DSCAM: variants seen among roughly 807,000 people sequenced by gnomAD.
The protein encoded by DSCAM is cell adhesion molecule DSCAM.
In DSCAM, 47 loss-of-function variants were observed where a neutral mutation model predicts 217.7. The ratio of observed to expected loss-of-function variants is 0.22; its 90% CI spans 0.17 to 0.28. DSCAM has a LOEUF of 0.28. Ranked by LOEUF, DSCAM falls within the 10% of genes least tolerant of loss-of-function variation. DSCAM has a pLI of 1.00. For synonymous variants in DSCAM, 1,056 were observed against 1,015.3 expected (o/e 1.04, Z -0.76); for missense variants, 2,080 against 2,618.3 (o/e 0.79, Z 4.49).
At chr21:40,133,816 C>T in intron 19 of DSCAM, 38 bp downstream of exon 19, 4 of 1,559,850 alleles carry the variant, frequency 2.6e-6, no homozygotes, top group Non-Finnish European at 3.5e-6. Context: ...CCAGCCCTTC[C>T]AGCAACTGCT....
chr21:40,293,538 TTAAC>T (rs1197274267), intron 10 of DSCAM, among the ~76,000 whole-genome samples: 1 of 152,208 alleles, frequency 6.6e-6, no homozygotes, highest in East Asian at 1.9e-4. Flanking sequence ...GAACTCAATC[TTAAC>T]TAAAGTAATT....
chr21:40,568,455 T>C (rs575683261), intron 3 of DSCAM, among the ~76,000 whole-genome samples: 1 of 152,132 alleles, frequency 6.6e-6, no homozygotes, highest in Admixed American at 6.6e-5. Context: ...TTTTTGTCCT[T>C]CCCACAGACC....
chr21:40,523,715 T>C (rs7275798), intron 3 of DSCAM, among the ~76,000 whole-genome samples: 41,703 of 152,102 alleles, frequency 0.27, 7,125 homozygotes, highest in African/African-American at 0.46. Context: ...GCCCTCTGTC[T>C]TTGTGATAAG....
chr21:40,538,315 G>A (rs146643009), intron 3 of DSCAM, among the ~76,000 whole-genome samples: 35 of 152,158 alleles, frequency 2.3e-4, no homozygotes, highest in Middle Eastern at 3.4e-3. Context: ...ACAGCAGCAC[G>A]CCAAGCACAG....
At chr21:40,525,323 G>A (rs1288716700) in intron 3 of DSCAM, among the ~76,000 whole-genome samples, 1 of 152,120 alleles carries the variant, frequency 6.6e-6, no homozygotes, top group Non-Finnish European at 1.5e-5. Flanking sequence ...GGAGAATGAG[G>A]CATGTCTTCC....
At chr21:40,757,465 CCT>C (rs2091287796) in intron 1 of DSCAM, among the ~76,000 whole-genome samples, 1 of 152,206 alleles carries the variant, frequency 6.6e-6, no homozygotes, top group African/African-American at 2.4e-5. Context: ...TGGCTGCTCC[CCT>C]GACTTCTCTA....
intron 3 of DSCAM, among the ~76,000 whole-genome samples, chr21:40,589,088 A>G (rs984348624): frequency 5.3e-5 from 8 of 152,206 alleles, no homozygotes; most frequent in South Asian, 4.1e-4. Flanking sequence ...TCCAAAGACC[A>G]TGAAAATAAC....
intron 1 of DSCAM, among the ~76,000 whole-genome samples, chr21:40,741,993 G>A (rs1218276205): frequency 1.3e-5 from 2 of 152,120 alleles, no homozygotes; most frequent in Non-Finnish European, 2.9e-5. Flanking sequence ...TTAGTCTGGT[G>A]GGCATCAGAA....
At chr21:40,470,298 G>GA (rs1316472655) in intron 3 of DSCAM, among the ~76,000 whole-genome samples, 9 of 152,196 alleles carry the variant, frequency 5.9e-5, no homozygotes, top group African/African-American at 1.9e-4. Flanking sequence ...TGCCTTGCAG[G>GA]AAAAAGCTAT....
chr21:40,422,755 A>G (rs960293076), intron 3 of DSCAM, among the ~76,000 whole-genome samples: 1 of 152,228 alleles, frequency 6.6e-6, no homozygotes, highest in Non-Finnish European at 1.5e-5. Flanking sequence ...AACTTCCTCC[A>G]TATGAGGCAG....
intron 9 of DSCAM, among the ~76,000 whole-genome samples, chr21:40,304,326 G>T (rs780681740): frequency 2.0e-5 from 3 of 152,220 alleles, no homozygotes; most frequent in Non-Finnish European, 2.9e-5. Flanking sequence ...AGCCTTCATA[G>T]AAGAGAGTTA....
At chr21:40,123,293 G>A (rs145392722) in intron 20 of DSCAM, among the ~76,000 whole-genome samples, 1 of 152,270 alleles carries the variant, frequency 6.6e-6, no homozygotes, top group East Asian at 1.9e-4. Context: ...TAAGTTTTAC[G>A]TTATGTGTAT....
At position 40,464,741 on chromosome 21, in the gene DSCAM, A is replaced by ATCTTT. The variant is rs1210890999; in HGVS notation, c.509-95501_509-95497dup. The stretch of plus-strand genomic sequence containing the variant: ...TCACTAATTCATTCTCCCCAGAACC[A>ATCTTT]TCTTTTTTTTTTTTTTTTGAAGCAG... On this transcript the variant is annotated intron_variant, in intron 3 of 32. Transcript: ENST00000400454. 1.2e-3 allele frequency among the ~76,000 whole-genome samples: 179 copies of ATCTTT among 144,332 alleles called. 1 individual carries two copies. Among genetic ancestry groups the ATCTTT allele is most frequent in the African/African-American group, 4.3e-3 (164 of 38,374 alleles). The allele number at this position is 144,332 out of a possible 152,430, so 94.7% of individuals were successfully genotyped here.
intron 3 of DSCAM, among the ~76,000 whole-genome samples, chr21:40,585,713 T>A: frequency 6.6e-6 from 1 of 152,062 alleles, no homozygotes; most frequent in Non-Finnish European, 1.5e-5. Context: ...GTGAGAGGTG[T>A]TTTGGTCATG....
At position 40,420,399 on chromosome 21, in the gene DSCAM, A is replaced by G. The variant is rs116938885; in HGVS notation, c.509-51154T>C. ...ATTTGCTAAAATCAGAATGCCTGGTATTTATAATTCAGAAAATCAGCTTTT... is the reference window on the plus strand; with the variant it reads ...ATTTGCTAAAATCAGAATGCCTGGTGTTTATAATTCAGAAAATCAGCTTTT... On this transcript the variant is annotated intron_variant, in intron 3 of 32. Transcript: ENST00000400454. 2.4e-3 allele frequency among the ~76,000 whole-genome samples: 372 copies of G among 152,254 alleles called. 2 individuals carry two copies. Among genetic ancestry groups the G allele is most frequent in the Non-Finnish European group, 4.6e-3 (313 of 68,016 alleles).
rs182509776 is a variant in DSCAM at position 40,712,566 on chromosome 21, T to A, written c.44-3795A>T. ...AAACTTCACATATTCAATGGGCTCA[T>A]AGCCCTAAGCCTAATGCCTAGCAAG... On this transcript the variant is annotated intron_variant, in intron 1 of 32. Coordinates refer to ENST00000400454, the MANE Select transcript of DSCAM (RefSeq NM_001389.5). 4.6e-5 allele frequency among the ~76,000 whole-genome samples: 7 copies of A among 151,418 alleles called. No individual in the cohort carries two copies. In the East Asian group the frequency reaches 1.4e-3, roughly 30 times the overall value.
chr21:40,731,836 C>A (rs745412681), intron 1 of DSCAM, among the ~76,000 whole-genome samples: 2 of 147,086 alleles, frequency 1.4e-5, no homozygotes, highest in Non-Finnish European at 3.0e-5. Flanking sequence ...TCAAGTGATT[C>A]TCCTGCCTCA....
At chr21:40,270,378 A>C (rs2073599103) in intron 11 of DSCAM, among the ~76,000 whole-genome samples, 1 of 152,218 alleles carries the variant, frequency 6.6e-6, no homozygotes. Context: ...TGGCAACTGG[A>C]CTTGAGAGTG....
At chr21:40,018,211 T>C (rs1165500526) in intron 32 of DSCAM, among the ~76,000 whole-genome samples, 3 of 152,234 alleles carry the variant, frequency 2.0e-5, no homozygotes, top group Non-Finnish European at 2.9e-5. Context: ...GTGAACATCC[T>C]TTTGTATGTG....
Sources: allele counts gnomAD v4.1 joint callset (sites outside exome capture counted in the v4.1 genomes callset), GRCh38; gene constraint gnomAD v4.1.1; transcripts MANE v1.5; gene names NCBI Gene and HGNC (gene_info 2026-07-23, HGNC 2026-07-21).